EPB41: variants seen among roughly 807,000 people sequenced by gnomAD.
EPB41 encodes the protein protein 4.1.
Under a neutral mutation model 108.0 loss-of-function variants are expected in EPB41, and 65 were observed. The ratio of observed to expected loss-of-function variants is 0.60; its 90% CI spans 0.49 to 0.74. The LOEUF is 0.74. EPB41 is among the 30% of genes least tolerant of loss of function. EPB41 has a pLI of 0.00. For missense variants in EPB41, 875 were observed against 1,037.0 expected (o/e 0.84, Z 2.15); for synonymous variants, 336 against 358.9 (o/e 0.94, Z 0.72).
intron 1 of EPB41, among the ~76,000 whole-genome samples, chr1:28,922,257 C>G (rs1256517514): frequency 6.6e-6 from 1 of 151,560 alleles, no homozygotes; most frequent in Admixed American, 6.6e-5. Context: ...CATGAACCAC[C>G]GCACCTGGCC....
At chr1:28,998,172 G>A (rs981731676) in intron 4 of EPB41, among the ~76,000 whole-genome samples, 7 of 152,148 alleles carry the variant, frequency 4.6e-5, no homozygotes, top group South Asian at 2.1e-4. Flanking sequence ...AGTATGGCCC[G>A]GGAAGTCTCC....
At chr1:29,052,276 C>T (rs769332309) in intron 11 of EPB41, among the ~76,000 whole-genome samples, 2 of 152,138 alleles carry the variant, frequency 1.3e-5, no homozygotes, top group Admixed American at 6.6e-5. Flanking sequence ...CAGTACCTCC[C>T]GTCTCTCCCC....
chr1:28,914,950 C>T (rs554163394), intron 1 of EPB41, among the ~76,000 whole-genome samples, 182 bp downstream of exon 1: 1 of 151,744 alleles, frequency 6.6e-6, no homozygotes, highest in Admixed American at 6.5e-5. Flanking sequence ...GAGTCGCCAG[C>T]CGGGACGCGG....
intron 1 of EPB41, among the ~76,000 whole-genome samples, chr1:28,898,240 C>T (rs1283485230): frequency 6.6e-6 from 1 of 152,076 alleles, no homozygotes; most frequent in Non-Finnish European, 1.5e-5. Flanking sequence ...CTCACAACTG[C>T]CTGTTCTGCT....
chr1:29,011,770 G>A, intron 4 of EPB41, 95 bp from the exon 5 acceptor site: 1 of 1,286,148 alleles, frequency 7.8e-7, no homozygotes, highest in Non-Finnish European at 1.1e-6. Flanking sequence ...TTGATCTGGA[G>A]GCACTATTTG....
chr1:28,991,702 C>CAAAA (rs59227691), intron 2 of EPB41, among the ~76,000 whole-genome samples: 1 of 98,518 alleles, frequency 1.0e-5, no homozygotes, highest in South Asian at 3.2e-4. Context: ...ACTCTTGTCT[C>CAAAA]AAAAAAAAAA....
intron 12 of EPB41, among the ~76,000 whole-genome samples, chr1:29,057,829 T>C (rs1645817159): frequency 6.6e-6 from 1 of 152,236 alleles, no homozygotes; most frequent in African/African-American, 2.4e-5. Flanking sequence ...CCCTTTCTGC[T>C]ATTAATATCA....
rs200261627 is a variant in EPB41 at position 29,018,422 on chromosome 1, G to T, written c.1104G>T (p.Met368Ile). The part of the protein sequence containing the change: ...NQTKELEEKV[M>I]ELHKSYRSMT... ...CCAAGGAACTTGAAGAGAAGGTCAT[G>T]GAACTGCATAAGTCATACAGGTGAA... is the stretch of plus-strand genomic sequence containing the variant. Residue 368 changes from methionine (M) to isoleucine (I), a missense_variant, in exon 7 of 21, where the codon ATG becomes ATT. By Grantham distance (10) the Met-to-Ile change is conservative. Coordinates refer to ENST00000343067, the MANE Select transcript of EPB41 (RefSeq NM_001376013.1). The surrounding 1 kb of genome is among the most constrained non-coding windows in gnomAD (Gnocchi z 4.4). 6.2e-7 allele frequency: 1 copy of T among 1,614,178 alleles called. No individual in the cohort carries two copies. The highest frequency in any genetic ancestry group is 8.5e-7 in the Non-Finnish European group (1 of 1,180,016).
intron 1 of EPB41, among the ~76,000 whole-genome samples, chr1:28,963,344 C>CGTGTGTGTGTGTGTGT (rs57558766): frequency 1.0e-4 from 15 of 146,322 alleles, no homozygotes; most frequent in African/African-American, 3.5e-4. Flanking sequence ...AAATCAGAAT[C>CGTGTGTGTGTGTGTGT]GTGTGTGTGT....
chr1:29,090,467 G>A (rs1319347975), intron 16 of EPB41, among the ~76,000 whole-genome samples: 1 of 151,952 alleles, frequency 6.6e-6, no homozygotes, highest in Non-Finnish European at 1.5e-5. Flanking sequence ...AAGTGACGGA[G>A]GGGCCGGATG....
At chr1:29,014,207 C>T (rs1179669971) in intron 5 of EPB41, among the ~76,000 whole-genome samples, 2 of 151,928 alleles carry the variant, frequency 1.3e-5, no homozygotes, top group Admixed American at 6.6e-5. Flanking sequence ...ATCCCAGCTA[C>T]TGGGGAGGCT....
chr1:28,966,186 C>CA (rs1027579939), intron 1 of EPB41, among the ~76,000 whole-genome samples: 457 of 111,626 alleles, frequency 4.1e-3, no homozygotes, highest in African/African-American at 0.011. Context: ...AACTCCGTCT[C>CA]AAAAAAAAAA....
chr1:28,994,663 T>C (rs1039114816), intron 3 of EPB41, among the ~76,000 whole-genome samples: 43 of 150,584 alleles, frequency 2.9e-4, no homozygotes, highest in Admixed American at 1.8e-3. Flanking sequence ...ATTTATTTAT[T>C]TATTTATTTA....
chr1:28,888,534 C>T (rs1461673740), intron 1 of EPB41, among the ~76,000 whole-genome samples: 1 of 152,254 alleles, frequency 6.6e-6, no homozygotes, highest in African/African-American at 2.4e-5. Flanking sequence ...TGGGAACACT[C>T]CCTGCCTTGA....
intron 1 of EPB41, among the ~76,000 whole-genome samples, chr1:28,954,496 T>C: frequency 6.6e-6 from 1 of 152,214 alleles, no homozygotes; most frequent in East Asian, 1.9e-4. Flanking sequence ...AGCCAATGTA[T>C]GTGTGAGCCA....
chr1:29,111,794 T>C (rs1367871084), intron 18 of EPB41, among the ~76,000 whole-genome samples: 4 of 151,608 alleles, frequency 2.6e-5, no homozygotes, highest in Admixed American at 6.6e-5. Flanking sequence ...CTGGCCAACA[T>C]AGTGAAACCC....
chr1:28,978,160 A>G (rs1186059546), intron 1 of EPB41, among the ~76,000 whole-genome samples: 1 of 151,236 alleles, frequency 6.6e-6, no homozygotes, highest in Non-Finnish European at 1.5e-5. Context: ...CTGTTCCTTA[A>G]TTATGTTTTC....
chr1:28,892,715 TAAAC>T (rs2090255631), intron 1 of EPB41, among the ~76,000 whole-genome samples: 1 of 140,302 alleles, frequency 7.1e-6, no homozygotes, highest in Non-Finnish European at 1.6e-5. Context: ...AACAAACAAA[TAAAC>T]AAAACAAAAC....
chr1:28,946,819 A>C (rs973204511), intron 1 of EPB41, among the ~76,000 whole-genome samples: 28 of 152,342 alleles, frequency 1.8e-4, no homozygotes, highest in African/African-American at 6.3e-4. Flanking sequence ...GGTCTGGTTC[A>C]TGCTGTTTGA....
Sources: allele counts gnomAD v4.1 joint callset (sites outside exome capture counted in the v4.1 genomes callset), GRCh38; gene constraint gnomAD v4.1.1; non-coding constraint Gnocchi (gnomAD v3.1); transcripts MANE v1.5; gene names NCBI Gene and HGNC (gene_info 2026-07-23, HGNC 2026-07-21).